The following CYFIP2 variants were observed in gnomAD, a reference collection of about 807,000 sequenced individuals.
CYFIP2 encodes the protein cytoplasmic FMR1 interacting protein 2, also known as cytoplasmic FMR1-interacting protein 2.
A neutral mutation model predicts 158.7 loss-of-function variants in CYFIP2; 29 were observed. The ratio of observed to expected loss-of-function variants is 0.18; its 90% CI spans 0.14 to 0.25. CYFIP2 has a LOEUF of 0.25. CYFIP2 is among the 10% of genes least tolerant of loss of function. The pLI, the probability that CYFIP2 is intolerant of heterozygous loss-of-function variation, is 1.00. For missense variants in CYFIP2, 852 were observed against 1,639.5 expected, an observed-to-expected ratio of 0.52 and a Z score of 8.29; for synonymous variants, 585 against 617.6, an observed-to-expected ratio of 0.95 and a Z score of 0.78.
chr5:157,285,279 T>A (rs1251090590), intron 1 of CYFIP2, 60 bp from the exon 2 acceptor site: 7 of 1,170,066 alleles, frequency 6.0e-6, no homozygotes, highest in Non-Finnish European at 8.7e-6. Context: ...CATGGTGCGG[T>A]TAAGAGGAAT....
chr5:157,323,846 T>C, intron 15 of CYFIP2, 75 bp from the exon 16 acceptor site: 1 of 1,397,810 alleles, frequency 7.2e-7, no homozygotes, highest in Non-Finnish European at 9.4e-7. Flanking sequence ...AATACATAAA[T>C]ACAACATGAA....
At chr5:157,272,541 C>A (rs999646047) in intron 1 of CYFIP2, among the ~76,000 whole-genome samples, 1 of 152,240 alleles carries the variant, frequency 6.6e-6, no homozygotes, top group African/African-American at 2.4e-5. Context: ...CTCACTGTTT[C>A]TTCTAGTAGC....
chr5:157,360,426 G>T, intron 25 of CYFIP2, 54 bp downstream of exon 25: 1 of 1,479,520 alleles, frequency 6.8e-7, no homozygotes, highest in South Asian at 1.2e-5. Context: ...GGGAGGCTCT[G>T]ACCATCCACC....
intron 21 of CYFIP2, among the ~76,000 whole-genome samples, chr5:157,336,633 T>C (rs142823796): frequency 2.5e-4 from 38 of 152,324 alleles, no homozygotes; most frequent in African/African-American, 8.9e-4. Context: ...TCAGGTCTTC[T>C]TTCGTTGATG....
At position 157,302,691 on chromosome 5, in the gene CYFIP2, A is replaced by G. The variant is rs927693792; in HGVS notation, c.570-103A>G. 5 of 783,448 alleles carry G rather than the reference A, an allele frequency of 6.4e-6. No homozygotes were observed. The East Asian group carries it at 8.3e-5, about 13-fold the overall frequency. The allele number at this position is 783,448 out of a possible 1,614,324, so 48.5% of individuals were successfully genotyped here. On this transcript the variant is annotated intron_variant, in intron 6 of 30. Transcript: ENST00000620254. ...TATTCAGAGCTCATTAACTTCCAGG[A>G]TGATGTCACTCTGTGTTAGGTGGGC... is the stretch of plus-strand genomic sequence containing the variant.
chr5:157,311,578 G>GGGC lies in CYFIP2; in HGVS notation c.993-85_993-83dup. ...TGTCACCCAGGGGAGTTGGCCACGT[G>GGGC]GGCTGAGCACCAGGAGCAGCTAATG... On this transcript the variant is annotated intron_variant, in intron 10 of 30. Coordinates refer to ENST00000620254, the MANE Select transcript of CYFIP2 (RefSeq NM_001037333.3). The surrounding 1 kb of genome is among the most constrained non-coding windows in gnomAD (Gnocchi z 4.7). 2 of 1,258,956 alleles carry GGGC rather than the reference G, an allele frequency of 1.6e-6. No individual in the cohort carries two copies. The highest frequency in any genetic ancestry group is 1.1e-6 in the Non-Finnish European group (1 of 900,076). 78.0% of individuals were successfully genotyped at this position (1,258,956 alleles called of 1,614,324 possible).
At position 157,349,104 on chromosome 5, in the gene CYFIP2, A is replaced by C; in HGVS notation, c.2673+7947A>C. On this transcript the variant is annotated intron_variant, in intron 23 of 30. Transcript: ENST00000620254. Reference sequence around the variant, plus strand: ...CCAAATTCCCTCACTTTATGTATTTATTTATTTATTTACTTATTTCAGTTT... The same window carrying C: ...CCAAATTCCCTCACTTTATGTATTTCTTTATTTATTTACTTATTTCAGTTT... Among the ~76,000 whole-genome samples, 2 of 151,960 alleles carry C rather than the reference A, an allele frequency of 1.3e-5. 1 individual carries two copies. Among genetic ancestry groups the C allele is most frequent in the African/African-American group, 4.8e-5 (2 of 41,358 alleles).
At chr5:157,386,781 G>T (rs549319803) in intron 28 of CYFIP2, among the ~76,000 whole-genome samples, 1 of 152,088 alleles carries the variant, frequency 6.6e-6, no homozygotes, top group Admixed American at 6.5e-5. Flanking sequence ...TTAGTCGGGC[G>T]TGGTGGCCCA....
At chr5:157,280,737 C>G (rs1372641826) in intron 1 of CYFIP2, among the ~76,000 whole-genome samples, 2 of 151,914 alleles carry the variant, frequency 1.3e-5, no homozygotes, top group African/African-American at 4.8e-5. Context: ...GAATTTGTTT[C>G]ATTTCTATTC....
intron 30 of CYFIP2, among the ~76,000 whole-genome samples, chr5:157,391,318 T>C (rs1767261716): frequency 2.6e-5 from 4 of 152,156 alleles, no homozygotes; most frequent in Admixed American, 6.5e-5. Flanking sequence ...TAAAATAGTT[T>C]CAATGGTAAT....
chr5:157,293,334 G>A (rs550031328), intron 3 of CYFIP2, among the ~76,000 whole-genome samples: 1 of 152,246 alleles, frequency 6.6e-6, no homozygotes, highest in East Asian at 1.9e-4. Context: ...AGGATTACAG[G>A]TGTGAACCAC....
At chr5:157,271,665 A>C (rs1279888532) in intron 1 of CYFIP2, 3 of 152,226 alleles carry the variant, frequency 2.0e-5, no homozygotes, top group African/African-American at 7.2e-5. Flanking sequence ...AGAGAGAACC[A>C]AGGCTAACCT....
intron 13 of CYFIP2, among the ~76,000 whole-genome samples, chr5:157,316,990 T>C (rs1173032599): frequency 2.0e-5 from 3 of 152,164 alleles, no homozygotes; most frequent in Non-Finnish European, 4.4e-5. Context: ...TTTGCAGTCA[T>C]CACCAGAGGA....
chr5:157,370,262 G>A lies in CYFIP2; in HGVS notation c.3039+8664G>A, dbSNP rs1443607562. Among the ~76,000 whole-genome samples the A allele has an allele frequency of 2.6e-5, 4 of 152,112 alleles. No individual in the cohort carries two copies. The East Asian group carries it at 7.7e-4, about 29-fold the overall frequency. ...TCTCTGATCTAGAAGCATTTTCTTG[G>A]ACTAGAGCTGCCAGAGTCTTGACAT... On this transcript the variant is annotated intron_variant, in intron 26 of 30. Coordinates refer to ENST00000620254, the MANE Select transcript of CYFIP2 (RefSeq NM_001037333.3).
At chr5:157,333,805 C>T (rs1255626850) in intron 21 of CYFIP2, among the ~76,000 whole-genome samples, 1 of 152,150 alleles carries the variant, frequency 6.6e-6, no homozygotes, top group East Asian at 1.9e-4. Context: ...TAGTATAAGG[C>T]CCAGAAGGGC....
intron 30 of CYFIP2, 138 bp downstream of exon 30, chr5:157,390,806 G>A: frequency 1.4e-6 from 2 of 1,384,852 alleles, no homozygotes; most frequent in East Asian, 2.5e-5. Flanking sequence ...ATAGGCTGGG[G>A]ACCTGCTTAG....
chr5:157,375,325 A>T (rs1765359038), intron 26 of CYFIP2, among the ~76,000 whole-genome samples: 2 of 152,208 alleles, frequency 1.3e-5, no homozygotes, highest in Admixed American at 6.5e-5. Flanking sequence ...AAAGGAAGAC[A>T]CCATGCCTAT....
chr5:157,322,771 G>A (rs1760704000), intron 15 of CYFIP2, among the ~76,000 whole-genome samples: 1 of 152,360 alleles, frequency 6.6e-6, no homozygotes, highest in South Asian at 2.1e-4. Context: ...GACGAACGCG[G>A]TTGCTGGGAG....
intron 26 of CYFIP2, among the ~76,000 whole-genome samples, chr5:157,370,204 C>T (rs75791619): frequency 0.083 from 12,587 of 152,214 alleles, 682 homozygotes; most frequent in Middle Eastern, 0.14. Flanking sequence ...AAAAGCTCCA[C>T]ACTTGACTCT....
Sources: allele counts gnomAD v4.1 joint callset (sites outside exome capture counted in the v4.1 genomes callset), GRCh38; gene constraint gnomAD v4.1.1; non-coding constraint Gnocchi (gnomAD v3.1); transcripts MANE v1.5; gene names NCBI Gene and HGNC (gene_info 2026-07-23, HGNC 2026-07-21).